Variants in SLC5A7 observed in about 807,000 individuals in gnomAD.
SLC5A7 encodes the protein solute carrier family 5 member 7, also known as high affinity choline transporter 1.
SLC5A7 carries 19 observed loss-of-function variants against 55.4 expected under a neutral mutation model. That is an observed-to-expected ratio of 0.34 (90% CI 0.24 to 0.50). The LOEUF is 0.50. SLC5A7 is among the 20% of genes least tolerant of loss of function. SLC5A7 has a pLI of 0.98. For synonymous variants in SLC5A7, 265 were observed against 263.7 expected, an observed-to-expected ratio of 1.00 and a Z score of -0.05; for missense variants, 506 against 705.3, an observed-to-expected ratio of 0.72 and a Z score of 3.20.
intron 2 of SLC5A7, among the ~76,000 whole-genome samples, chr2:107,989,155 T>A (rs572239232): frequency 6.6e-6 from 1 of 152,372 alleles, no homozygotes; most frequent in East Asian, 1.9e-4. Context: ...AACTTAGAAT[T>A]ATATGTTTAA....
rs549537612 is a variant in SLC5A7, at chr2:108,001,604, C to T, written c.598-293C>T. Among the ~76,000 whole-genome samples the T allele has an allele frequency of 9.8e-4, 137 of 139,108 alleles. 1 individual carries two copies. Among genetic ancestry groups the T allele is most frequent in the African/African-American group, 3.3e-3 (124 of 37,520 alleles). 91.3% of individuals were successfully genotyped at this position (139,108 alleles called of 152,430 possible). A position where few individuals can be genotyped will look rare whatever the true frequency, so the allele number is the denominator to read the frequency against. ...AGGAGAATGGCGTGAACCCGGGAGGCGGAGCTTGCAGTGAGCCGAGATCCC... is the reference window on the plus strand; with the variant it reads ...AGGAGAATGGCGTGAACCCGGGAGGTGGAGCTTGCAGTGAGCCGAGATCCC... On this transcript the variant is annotated intron_variant, in intron 5 of 8. Coordinates refer to ENST00000264047, the MANE Select transcript of SLC5A7 (RefSeq NM_021815.5).
chr2:108,008,707 A>G (rs1678208939), intron 8 of SLC5A7, 25 bp downstream of exon 8: 1 of 1,589,132 alleles, frequency 6.3e-7, no homozygotes, highest in African/African-American at 1.3e-5. Context: ...TTTCAACCTG[A>G]CATTTACTAG....
At chr2:108,000,856 A>G (rs561981777) in intron 5 of SLC5A7, among the ~76,000 whole-genome samples, 363 of 152,000 alleles carry the variant, frequency 2.4e-3, no homozygotes, top group African/African-American at 8.5e-3. Context: ...AGGCCTCCCA[A>G]AGTCCTGGGA....
chr2:108,000,161 A>G (rs572230175), intron 5 of SLC5A7, among the ~76,000 whole-genome samples: 8 of 152,140 alleles, frequency 5.3e-5, no homozygotes, highest in Non-Finnish European at 1.0e-4. Context: ...GCGAGTGTAC[A>G]CGCACACACA....
chr2:108,010,109 A>G (rs1573617525), intron 8 of SLC5A7, 123 bp from the exon 9 acceptor site: 1 of 1,222,380 alleles, frequency 8.2e-7, no homozygotes, highest in African/African-American at 1.5e-5. Context: ...TTTCCCATAG[A>G]TTGAGCCATT....
chr2:108,005,973 C>A (rs1294971338), intron 6 of SLC5A7, 76 bp from the exon 7 acceptor site: 18 of 1,573,376 alleles, frequency 1.1e-5, no homozygotes, highest in Non-Finnish European at 1.4e-5. Context: ...TAGGCCTATT[C>A]TAAATGTGAT....
At chr2:107,995,791 C>A (rs1677649265) in intron 4 of SLC5A7, among the ~76,000 whole-genome samples, 1 of 152,052 alleles carries the variant, frequency 6.6e-6, no homozygotes, top group Non-Finnish European at 1.5e-5. Flanking sequence ...TGACATCCTA[C>A]AACATTTTGA....
At chr2:107,989,750 A>T (rs1677377355) in intron 2 of SLC5A7, among the ~76,000 whole-genome samples, 1 of 152,232 alleles carries the variant, frequency 6.6e-6, no homozygotes. Flanking sequence ...CTGCAGAAAG[A>T]ATAAGAAAGC....
chr2:107,989,187 C>A, intron 2 of SLC5A7, among the ~76,000 whole-genome samples: 1 of 152,202 alleles, frequency 6.6e-6, no homozygotes, highest in East Asian at 1.9e-4. Flanking sequence ...GTTGCACTAA[C>A]AACACATATT....
At chr2:108,001,485 A>G (rs1297114976) in intron 5 of SLC5A7, among the ~76,000 whole-genome samples, 1 of 151,714 alleles carries the variant, frequency 6.6e-6, no homozygotes, top group Non-Finnish European at 1.5e-5. Flanking sequence ...CATCCCGGCT[A>G]TAACGGTGAA....
intron 6 of SLC5A7, among the ~76,000 whole-genome samples, chr2:108,004,433 G>A (rs1678028765): frequency 6.6e-6 from 1 of 152,084 alleles, no homozygotes. Context: ...TGGTATCTAT[G>A]TTACAGACAT....
intron 1 of SLC5A7, 125 bp from the exon 2 acceptor site, chr2:107,987,980 G>T: frequency 4.1e-6 from 2 of 491,656 alleles, no homozygotes; most frequent in East Asian, 3.0e-5. Flanking sequence ...TTCACGTGTG[G>T]TTTCAGGGTT....
At chr2:107,989,463 T>C (rs900568433) in intron 2 of SLC5A7, among the ~76,000 whole-genome samples, 5 of 152,224 alleles carry the variant, frequency 3.3e-5, no homozygotes, top group East Asian at 1.9e-4. Context: ...CTTTCAGACA[T>C]TGACATTTTA....
intron 6 of SLC5A7, among the ~76,000 whole-genome samples, chr2:108,005,046 A>T (rs961301764): frequency 2.6e-5 from 4 of 152,222 alleles, no homozygotes; most frequent in African/African-American, 9.6e-5. Flanking sequence ...TATATCTATC[A>T]GTTGCTTATA....
At chr2:107,999,414 A>AT (rs1372639520) in intron 5 of SLC5A7, among the ~76,000 whole-genome samples, 1 of 152,202 alleles carries the variant, frequency 6.6e-6, no homozygotes, top group African/African-American at 2.4e-5. Flanking sequence ...GATATATGTG[A>AT]TTTCTCATTG....
intron 6 of SLC5A7, among the ~76,000 whole-genome samples, chr2:108,004,275 G>A (rs1412731198): frequency 6.6e-6 from 1 of 152,188 alleles, no homozygotes; most frequent in Non-Finnish European, 1.5e-5. Context: ...CATGCAAGAT[G>A]TTAATGATAT....
intron 8 of SLC5A7, 122 bp downstream of exon 8, chr2:108,008,804 T>C: frequency 1.5e-6 from 1 of 658,070 alleles, no homozygotes; most frequent in East Asian, 3.1e-5. Flanking sequence ...CTGACTGTAC[T>C]TTAAGCATAC....
chr2:107,989,452 T>C (rs1267317537), intron 2 of SLC5A7, among the ~76,000 whole-genome samples: 1 of 152,252 alleles, frequency 6.6e-6, no homozygotes, highest in Non-Finnish European at 1.5e-5. Context: ...ATCAGTTTTA[T>C]CTTTCAGACA....
At chr2:108,005,204 C>A (rs753234407) in intron 6 of SLC5A7, among the ~76,000 whole-genome samples, 1 of 152,146 alleles carries the variant, frequency 6.6e-6, no homozygotes, top group African/African-American at 2.4e-5. Context: ...ATGCTCACTG[C>A]GGAAAACACC....
Sources: gnomAD v4.1 joint callset for allele counts (sites outside exome capture counted in the v4.1 genomes callset) on GRCh38, gnomAD v4.1.1 for gene constraint, MANE v1.5 for transcripts, NCBI Gene and HGNC (gene_info 2026-07-23, HGNC 2026-07-21) for gene names.